Variants in FAM120A observed in about 807,000 individuals in gnomAD.
FAM120A encodes family with sequence similarity 120 member A.
Under a neutral mutation model 109.7 loss-of-function variants are expected in FAM120A, and 15 were observed. The observed-to-expected ratio is 0.14, with a 90% CI of 0.09 to 0.21. The LOEUF is 0.21. Ranked by LOEUF, FAM120A falls within the 10% of genes least tolerant of loss-of-function variation. The pLI, the probability that FAM120A is intolerant of heterozygous loss-of-function variation, is 1.00. For missense variants in FAM120A, 899 were observed against 1,439.3 expected (o/e 0.62, Z 6.07); for synonymous variants, 493 against 572.8 (o/e 0.86, Z 1.99).
chr9:93,452,539 C>A lies in FAM120A; in HGVS notation c.474+150C>A, dbSNP rs769075234. 2 of 1,570,964 alleles carry A rather than the reference C, an allele frequency of 1.3e-6. No individual in the cohort carries two copies. Among genetic ancestry groups the A allele is most frequent in the South Asian group, 1.1e-5 (1 of 89,112 alleles). Reference sequence around the variant, plus strand: ...CCCGGGATAGCCTGGCCGGGCCGGGCTGCAAGATGGATGGCCGCGGGTGCA... The same window carrying A: ...CCCGGGATAGCCTGGCCGGGCCGGGATGCAAGATGGATGGCCGCGGGTGCA... On this transcript the variant is annotated intron_variant, in intron 1 of 17. Coordinates refer to ENST00000277165, the MANE Select transcript of FAM120A (RefSeq NM_014612.5). This position sits in a 1 kb window ranked among gnomAD's most constrained non-coding sequence, Gnocchi z 7.0.
chr9:93,467,756 T>C (rs1858113355), intron 1 of FAM120A, among the ~76,000 whole-genome samples: 2 of 152,220 alleles, frequency 1.3e-5, no homozygotes, highest in African/African-American at 4.8e-5. Context: ...TACTGAATTA[T>C]TGTTTGCTTT....
intron 10 of FAM120A, among the ~76,000 whole-genome samples, chr9:93,541,245 T>G (rs953682203): frequency 6.6e-6 from 1 of 152,140 alleles, no homozygotes; most frequent in African/African-American, 2.4e-5. Context: ...TTCTGGAAGC[T>G]CCCCTTGCCT....
rs1862607771 is a variant in FAM120A at position 93,565,611 on chromosome 9, T to G, written c.*1071T>G. 1 of 152,380 alleles carries G rather than the reference T, an allele frequency of 6.6e-6. No homozygotes were observed. The highest frequency in any genetic ancestry group is 1.5e-5 in the Non-Finnish European group (1 of 68,016). 9.4% of individuals were successfully genotyped at this position (152,380 alleles called of 1,614,324 possible). On this transcript the variant is annotated 3_prime_UTR_variant, in exon 18 of 18. Transcript: ENST00000277165. ...AACATTACCCTGGTGTATTCACTGC[T>G]GTATGCATTATTGTTCTTTGTTGCT...
At chr9:93,540,507 C>T (rs187927188) in intron 10 of FAM120A, among the ~76,000 whole-genome samples, 91 of 152,328 alleles carry the variant, frequency 6.0e-4, no homozygotes, top group South Asian at 4.4e-3. Context: ...CAGTTCCGAG[C>T]CCTTCTAGGA....
At chr9:93,523,845 A>G (rs1207799560) in intron 7 of FAM120A, among the ~76,000 whole-genome samples, 2 of 152,250 alleles carry the variant, frequency 1.3e-5, no homozygotes, top group Non-Finnish European at 2.9e-5. Context: ...TGAATGTGTG[A>G]TGTTAGCTTA....
At chr9:93,496,983 T>G (rs1230395058) in intron 3 of FAM120A, among the ~76,000 whole-genome samples, 4 of 152,244 alleles carry the variant, frequency 2.6e-5, no homozygotes, top group Non-Finnish European at 4.4e-5. Flanking sequence ...ATTCAAGGAC[T>G]TGGTAACTGC....
At chr9:93,461,542 G>A (rs1857790880) in intron 1 of FAM120A, among the ~76,000 whole-genome samples, 1 of 152,158 alleles carries the variant, frequency 6.6e-6, no homozygotes, top group African/African-American at 2.4e-5. Flanking sequence ...CTAGGATTTA[G>A]CTGAGTCATT....
intron 3 of FAM120A, among the ~76,000 whole-genome samples, chr9:93,487,256 G>C (rs1374265936): frequency 6.6e-6 from 1 of 152,134 alleles, no homozygotes; most frequent in African/African-American, 2.4e-5. Context: ...CCGCTTTCTA[G>C]GTTCAAGCAA....
At chr9:93,552,236 T>G (rs1862126238) in intron 12 of FAM120A, among the ~76,000 whole-genome samples, 1 of 152,212 alleles carries the variant, frequency 6.6e-6, no homozygotes, top group African/African-American at 2.4e-5. Flanking sequence ...ATCCTTTTCA[T>G]TTTTGGATCA....
intron 17 of FAM120A, among the ~76,000 whole-genome samples, chr9:93,563,237 G>A (rs956560459): frequency 3.9e-5 from 6 of 152,218 alleles, no homozygotes; most frequent in Non-Finnish European, 7.3e-5. Context: ...ATGCTGGAAG[G>A]TACCACCATC....
At chr9:93,548,835 G>A (rs1861989946) in intron 11 of FAM120A, among the ~76,000 whole-genome samples, 1 of 152,138 alleles carries the variant, frequency 6.6e-6, no homozygotes, top group South Asian at 2.1e-4. Flanking sequence ...CTTAGATCAG[G>A]AGTTTGAGAC....
chr9:93,561,187 G>A lies in FAM120A; in HGVS notation c.2885G>A (p.Arg962Gln), dbSNP rs775964897. 4 of 1,613,590 alleles carry A rather than the reference G, an allele frequency of 2.5e-6. No individual in the cohort carries two copies. The highest frequency in any genetic ancestry group is 1.3e-5 in the African/African-American group (1 of 74,902). Residue 962 changes from arginine to glutamine, a missense_variant, in exon 16 of 18, where the codon CGG (arginine) becomes CAG (glutamine). Physicochemically the swap from Arg to Gln is conservative, Grantham distance 43 (BLOSUM62 1). Around this residue, in one of 11 missense-constraint regions of FAM120A, gnomAD observed 170 missense variants for 205.0 expected, o/e 0.83. Coordinates refer to ENST00000277165, the MANE Select transcript of FAM120A (RefSeq NM_014612.5). The part of the protein sequence containing the change: ...TVVGHWAGSR[R>Q]GRGGRGPFPL... ...GTTGGCCATTGGGCTGGGAGCAGGCGGGGCCGTGGGGGCCGGGGGCCTTTC... is the reference window on the plus strand; with the variant it reads ...GTTGGCCATTGGGCTGGGAGCAGGCAGGGCCGTGGGGGCCGGGGGCCTTTC...
chr9:93,556,269 T>G (rs949226277), intron 12 of FAM120A, 113 bp from the exon 13 acceptor site: 2 of 790,288 alleles, frequency 2.5e-6, no homozygotes, highest in African/African-American at 3.4e-5. Flanking sequence ...TACTTAGTGG[T>G]GCTGTTTTGT....
intron 1 of FAM120A, chr9:93,453,365 A>G: frequency 1.0e-6 from 1 of 985,558 alleles, no homozygotes; most frequent in Non-Finnish European, 1.2e-6. Flanking sequence ...AGATAAGCAC[A>G]TCCATGATCC....
At chr9:93,460,148 A>G (rs993106277) in intron 1 of FAM120A, among the ~76,000 whole-genome samples, 2 of 152,208 alleles carry the variant, frequency 1.3e-5, no homozygotes, top group African/African-American at 2.4e-5. Context: ...CTTAATAAGC[A>G]CTACACCATA....
intron 3 of FAM120A, among the ~76,000 whole-genome samples, chr9:93,481,923 C>T (rs953022069): frequency 5.3e-5 from 8 of 152,144 alleles, no homozygotes; most frequent in Non-Finnish European, 1.0e-4. Context: ...TCATGGAACG[C>T]CATCTTCTCT....
Position 93,529,360 on chromosome 9 carries a change from G to T in FAM120A, c.1514G>T (p.Gly505Val), listed in dbSNP as rs771814283. Reference protein sequence around the residue: ...GDPGDQTKAEGSSTASSGSQL... With the variant: ...GDPGDQTKAEVSSTASSGSQL... ...CTGCTCTCTGCACTGTAGGCAGAAGGCTCGTCCACTGCCTCTTCAGGAAGC... is the reference window on the plus strand; with the variant it reads ...CTGCTCTCTGCACTGTAGGCAGAAGTCTCGTCCACTGCCTCTTCAGGAAGC... The change falls in exon 9 of 18, where the codon GGC becomes GTC. Residue 505 changes from glycine (G) to valine (V), a missense_variant. Around this residue, in one of 11 missense-constraint regions of FAM120A, gnomAD observed 57 missense variants for 52.9 expected, o/e 1.08. Coordinates refer to ENST00000277165, the MANE Select transcript of FAM120A (RefSeq NM_014612.5). The T allele has an allele frequency of 6.2e-7, 1 of 1,603,324 alleles. No homozygotes were observed. The highest frequency in any genetic ancestry group is 8.5e-7 in the Non-Finnish European group (1 of 1,174,918).
At chr9:93,482,313 T>C (rs1347754155) in intron 3 of FAM120A, among the ~76,000 whole-genome samples, 1 of 150,338 alleles carries the variant, frequency 6.7e-6, no homozygotes, top group Non-Finnish European at 1.5e-5. Flanking sequence ...TCAGCCTACC[T>C]AGTAGCTGGG....
intron 5 of FAM120A, among the ~76,000 whole-genome samples, chr9:93,502,094 C>T (rs911455720): frequency 6.6e-6 from 1 of 152,098 alleles, no homozygotes; most frequent in African/African-American, 2.4e-5. Context: ...TCATAGAATC[C>T]AACCACAGTC....
Sources: allele counts gnomAD v4.1 joint callset (sites outside exome capture counted in the v4.1 genomes callset), GRCh38; gene constraint gnomAD v4.1.1; regional missense constraint gnomAD v4.1.1; non-coding constraint Gnocchi (gnomAD v3.1); transcripts MANE v1.5; gene names NCBI Gene and HGNC (gene_info 2026-07-23, HGNC 2026-07-21).